The following OPLAH variants were observed in gnomAD, a reference collection of about 807,000 sequenced individuals.
OPLAH encodes 5-oxoprolinase.
A neutral mutation model predicts 122.8 loss-of-function variants in OPLAH; 103 were observed. That is an observed-to-expected ratio of 0.84 (90% confidence interval 0.71 to 0.99). OPLAH has a LOEUF of 0.99. OPLAH is among the 50% of genes least tolerant of loss of function. The pLI, the probability that OPLAH is intolerant of heterozygous loss-of-function variation, is 0.00. For missense variants in OPLAH, 1,902 were observed against 1,836.5 expected (o/e 1.04, Z -0.65); for synonymous variants, 875 against 796.0 (o/e 1.10, Z -1.67).
upstream of OPLAH, chr8:144,063,903 C>G (rs749587818): frequency 2.0e-5 from 3 of 152,418 alleles, no homozygotes; most frequent in Non-Finnish European, 4.4e-5. The surrounding 1 kb of genome is among the most constrained non-coding windows in gnomAD (Gnocchi z 4.2). Flanking sequence ...GATCTCCTGC[C>G]GCAGGCCCTC....
rs781968484 is a variant in OPLAH, at chr8:144,058,790, C to G, written c.570G>C (p.Val190=). ...LSRGIRSLAV[V]LMHSYTWAQH... ...TCACTCACGTGTACGAGTGCATGAGCACCACAGCCAGGCTGCGGATGCCTC... is the reference window on the plus strand; with the variant it reads ...TCACTCACGTGTACGAGTGCATGAGGACCACAGCCAGGCTGCGGATGCCTC... The change falls in exon 5 of 27, where the codon GTG becomes GTC. Residue 190 remains valine (V), a synonymous_variant. Coordinates refer to ENST00000618853, the MANE Select transcript of OPLAH (RefSeq NM_017570.5). 1.1e-5 allele frequency: 18 copies of G among 1,603,074 alleles called. No individual in the cohort carries two copies. The highest frequency in any genetic ancestry group is 1.5e-5 in the Non-Finnish European group (18 of 1,174,426).
chr8:144,052,416 C>A, intron 23 of OPLAH, 33 bp downstream of exon 23: 2 of 1,529,110 alleles, frequency 1.3e-6, no homozygotes, highest in Non-Finnish European at 1.7e-6. Context: ...CCACCCAGTC[C>A]GCCCCCGAGC....
At chr8:144,051,619 G>A (rs952802160) in intron 26 of OPLAH, 110 bp downstream of exon 26, 143 of 1,197,618 alleles carry the variant, frequency 1.2e-4, no homozygotes, top group Non-Finnish European at 1.6e-4. Context: ...TTTCCTTCCG[G>A]GGCCAAATTA....
rs377502977 is a variant in OPLAH at position 144,057,322 on chromosome 8, T to C, written c.1423-2A>G. 3.1e-6 allele frequency: 5 copies of C among 1,610,296 alleles called. No homozygotes were observed. In the African/African-American group the frequency reaches 5.3e-5, roughly 17 times the overall value. On this transcript the variant is annotated splice_acceptor_variant, in intron 10 of 26. Transcript: ENST00000618853. LOFTEE classifies it high-confidence loss of function. ...GGCTGAGGGGTCATGGCCTCTTGCCTAGGGAGACAGAAGGGGTCAGTGGGC... is the reference window on the plus strand; with the variant it reads ...GGCTGAGGGGTCATGGCCTCTTGCCCAGGGAGACAGAAGGGGTCAGTGGGC...
In OPLAH at chr8:144,057,928, G is replaced by A. The variant is rs77001213; in HGVS notation, c.1089-5C>T. Reference sequence around the variant, plus strand: ...CCAACCACAAAGAGGCCAGACCTAGGGGAAGGAAGGGCTGGGGTTGGAGTT... The same window carrying A: ...CCAACCACAAAGAGGCCAGACCTAGAGGAAGGAAGGGCTGGGGTTGGAGTT... On this transcript the variant is annotated splice_region_variant and splice_polypyrimidine_tract_variant and intron_variant, in intron 8 of 26. Coordinates refer to ENST00000618853, the MANE Select transcript of OPLAH (RefSeq NM_017570.5). 1,739 of 1,611,940 alleles carry A rather than the reference G, an allele frequency of 1.1e-3. 41 individuals carry two copies. In the East Asian group the frequency reaches 0.035, roughly 32 times the overall value.
chr8:144,050,980 C>A (rs1294868811), downstream of OPLAH: 3 of 1,072,772 alleles, frequency 2.8e-6, no homozygotes, highest in African/African-American at 5.0e-5. Flanking sequence ...CTCTACCTGG[C>A]CGGCCTTCCC....
At chr8:144,058,921 C>T (rs782791205) in intron 4 of OPLAH, 25 bp from the exon 5 acceptor site, 23 of 1,550,516 alleles carry the variant, frequency 1.5e-5, no homozygotes, top group East Asian at 2.4e-5. Context: ...CAGGAGGCCC[C>T]GTTAAAGGCC....
In OPLAH at chr8:144,057,536, G is replaced by T; in HGVS notation, c.1334C>A (p.Ala445Asp). 6.3e-7 allele frequency: 1 copy of T among 1,592,358 alleles called. No homozygotes were observed. The highest frequency in any genetic ancestry group is 8.5e-7 in the Non-Finnish European group (1 of 1,170,434). ...CACCTCCTCCAGGCTCAGCGGGGAG[G>T]CCGGGCAGGGCCCGTTGGTCAGGAA... ...NSFLTNGPCPASPLSLEEVAM... is the reference protein window; with the variant it reads ...NSFLTNGPCPDSPLSLEEVAM... Residue 445 changes from alanine to aspartate, a missense_variant, in exon 10 of 27, where the codon GCC becomes GAC. This residue lies in a region of OPLAH where 1,726 missense variants were observed against 1,642.1 expected (regional missense o/e 1.05). Coordinates refer to ENST00000618853, the MANE Select transcript of OPLAH (RefSeq NM_017570.5).
At chr8:144,054,086 CCT>C (rs1295310165) in intron 19 of OPLAH, among the ~76,000 whole-genome samples, 18 of 151,126 alleles carry the variant, frequency 1.2e-4, no homozygotes, top group African/African-American at 4.4e-4. Flanking sequence ...GACCCCGAAT[CCT>C]CTCTGCACGT....
chr8:144,057,476 A>T lies in OPLAH; in HGVS notation c.1394T>A (p.Met465Lys). The part of the protein sequence containing the change: ...MGFVRVANEA[M>K]CRPIRALTQA... ...CGTGAGTGCACGGATGGGCCGGCAC[A>T]TGGCCTCGTTGGCCACGCGCACGAA... The change falls in exon 10 of 27, where the codon ATG becomes AAG. Residue 465 changes from methionine to lysine, a missense_variant. Met to Lys is a moderately conservative substitution (Grantham distance 95). Coordinates refer to ENST00000618853, the MANE Select transcript of OPLAH (RefSeq NM_017570.5). 6.3e-7 allele frequency: 1 copy of T among 1,592,920 alleles called. No individual in the cohort carries two copies. The highest frequency in any genetic ancestry group is 8.5e-7 in the Non-Finnish European group (1 of 1,170,212).
chr8:144,062,303 C>T (rs1005590858), upstream of OPLAH, among the ~76,000 whole-genome samples: 3 of 152,082 alleles, frequency 2.0e-5, no homozygotes, highest in East Asian at 5.8e-4. Context: ...GGCTGCTGCT[C>T]ATGTCCAGAT....
intron 18 of OPLAH, 38 bp downstream of exon 18, chr8:144,054,774 C>A (rs1204581735): frequency 6.2e-7 from 1 of 1,611,996 alleles, no homozygotes; most frequent in Non-Finnish European, 8.5e-7. Flanking sequence ...CATCGGCCAC[C>A]ACTGCCCCAG....
In OPLAH at chr8:144,058,903, G is replaced by C; in HGVS notation, c.464-7C>G. On this transcript the variant is annotated splice_polypyrimidine_tract_variant and splice_region_variant and intron_variant, in intron 4 of 26. Transcript: ENST00000618853. ...AGCAGGTCCCCCGTGCGGCCTTCCA[G>C]AAAAGCCCAGGAGGCCCCGTTAAAG... The C allele has an allele frequency of 6.5e-7, 1 of 1,548,360 alleles. No individual in the cohort carries two copies. The highest frequency in any genetic ancestry group is 8.7e-7 in the Non-Finnish European group (1 of 1,145,110).
intron 8 of OPLAH, 30 bp downstream of exon 8, chr8:144,057,980 G>C (rs782434745): frequency 3.1e-6 from 5 of 1,612,132 alleles, no homozygotes; most frequent in Non-Finnish European, 4.2e-6. Context: ...ACAGGGCTGG[G>C]GTCCCAGCCT....
chr8:144,050,907 G>A (rs574917357), downstream of OPLAH: 173 of 1,003,404 alleles, frequency 1.7e-4, no homozygotes, highest in South Asian at 2.1e-3. Context: ...GCGCGCGGAG[G>A]GGCCCTGGCC....
rs199796200 is a variant in OPLAH, at chr8:144,057,976, C to T, written c.1088+34G>A. On this transcript the variant is annotated intron_variant, in intron 8 of 26. Coordinates refer to ENST00000618853, the MANE Select transcript of OPLAH (RefSeq NM_017570.5). Reference sequence around the variant, plus strand: ...GTTGGACACGAGGAGGGAGACAGGGCTGGGGTCCCAGCCTGGGAAGCAGGA... The same window carrying T: ...GTTGGACACGAGGAGGGAGACAGGGTTGGGGTCCCAGCCTGGGAAGCAGGA... 5.8e-3 allele frequency: 9,287 copies of T among 1,612,104 alleles called. 82 individuals carry two copies. The highest frequency in any genetic ancestry group is 0.029 in the South Asian group (2,646 of 91,076).
chr8:144,051,696 G>A, intron 26 of OPLAH, 33 bp downstream of exon 26: 1 of 1,509,140 alleles, frequency 6.6e-7, no homozygotes, highest in Non-Finnish European at 9.0e-7. Context: ...GGGGAGGGGA[G>A]GGGAGGGGGA....
rs782716562 is a variant in OPLAH, at chr8:144,057,694, C to T, written c.1176G>A (p.Thr392=). Residue 392 remains threonine, a synonymous_variant, in exon 10 of 27, where the codon ACG becomes ACA. Transcript: ENST00000618853. ...GGCGACCCAGGACCAGATTAGCATC[C>T]GTCACTGTCACAGGGCCCCCTGGGA... ...CYRKGGPVTV[T]DANLVLGRLL... is the part of the protein sequence containing the mutation. 45 of 1,608,664 alleles carry T rather than the reference C, an allele frequency of 2.8e-5. No individual in the cohort carries two copies. The highest frequency in any genetic ancestry group is 2.8e-4 in the South Asian group (25 of 90,830).
At chr8:144,054,984 A>C (rs781959348) in intron 17 of OPLAH, 45 bp downstream of exon 17, 51 of 302,436 alleles carry the variant, frequency 1.7e-4, no homozygotes, top group Non-Finnish European at 2.4e-4. Context: ...GGGGGGGTGG[A>C]GGGTGAGGGA....
Sources: gnomAD v4.1 joint callset for allele counts (sites outside exome capture counted in the v4.1 genomes callset) on GRCh38, gnomAD v4.1.1 for gene constraint, gnomAD v4.1.1 regional missense constraint, Gnocchi (gnomAD v3.1) non-coding constraint, MANE v1.5 for transcripts, NCBI Gene and HGNC (gene_info 2026-07-23, HGNC 2026-07-21) for gene names.